The following DZIP3 variants were observed in gnomAD, a reference collection of about 807,000 sequenced individuals.
DZIP3 encodes DAZ interacting zinc finger protein 3, also known as E3 ubiquitin-protein ligase DZIP3.
DZIP3 carries 118 observed loss-of-function variants against 162.0 expected under a neutral mutation model. That is an observed-to-expected ratio of 0.73 (90% confidence interval 0.63 to 0.85). The LOEUF (loss-of-function observed/expected upper bound fraction) is 0.85, where lower values mean the gene tolerates loss of function less well. DZIP3 is among the 40% of genes least tolerant of loss of function. The pLI, the probability that DZIP3 is intolerant of heterozygous loss-of-function variation, is 0.00. For synonymous variants in DZIP3, 438 were observed against 458.6 expected (o/e 0.96, Z 0.57); for missense variants, 1,331 against 1,407.0 (o/e 0.95, Z 0.86).
chr3:108,691,762 G>A (rs915980446), intron 32 of DZIP3, among the ~76,000 whole-genome samples: 4 of 152,108 alleles, frequency 2.6e-5, no homozygotes, highest in Admixed American at 6.6e-5. Context: ...CTCATCACCC[G>A]TCTCAGGTGC....
At position 108,694,309 on chromosome 3, in the gene DZIP3, G is replaced by A. The variant is rs1944800128; in HGVS notation, c.*956G>A. Reference sequence around the variant, plus strand: ...TCTAGACATGTAAAATGCCAAGAATGTCTTAGAATTGCACAATTTAGAATT... The same window carrying A: ...TCTAGACATGTAAAATGCCAAGAATATCTTAGAATTGCACAATTTAGAATT... On this transcript the variant is annotated 3_prime_UTR_variant, in exon 33 of 33. Coordinates refer to ENST00000361582, the MANE Select transcript of DZIP3 (RefSeq NM_014648.4). 2 of 152,290 alleles carry A rather than the reference G, an allele frequency of 1.3e-5. No individual in the cohort carries two copies. The highest frequency in any genetic ancestry group is 4.1e-4 in the South Asian group (2 of 4,820). The allele number at this position is 152,290 out of a possible 1,614,324, so 9.4% of individuals were successfully genotyped here.
At chr3:108,643,519 A>G (rs992235036) in intron 13 of DZIP3, among the ~76,000 whole-genome samples, 3 of 151,332 alleles carry the variant, frequency 2.0e-5, no homozygotes, top group African/African-American at 7.3e-5. Flanking sequence ...TTTCAGGTGG[A>G]TGCTTGATGC....
At chr3:108,614,566 A>G (rs1940897231) in intron 4 of DZIP3, among the ~76,000 whole-genome samples, 1 of 152,046 alleles carries the variant, frequency 6.6e-6, no homozygotes, top group Non-Finnish European at 1.5e-5. Flanking sequence ...CCCTACCTAT[A>G]TTTTCAGTAT....
intron 32 of DZIP3, 146 bp from the exon 33 acceptor site, chr3:108,693,214 A>G (rs183172125): frequency 1.3e-5 from 2 of 151,546 alleles, no homozygotes; most frequent in East Asian, 4.0e-4. Flanking sequence ...ATAAAATATG[A>G]GGTTATTTGC....
At chr3:108,645,923 T>C (rs551326514) in intron 14 of DZIP3, among the ~76,000 whole-genome samples, 1 of 152,206 alleles carries the variant, frequency 6.6e-6, no homozygotes, top group Non-Finnish European at 1.5e-5. Context: ...TTCATGAGAA[T>C]AGAGTATTTG....
chr3:108,592,850 C>A (rs1229926631), intron 1 of DZIP3, among the ~76,000 whole-genome samples: 1 of 151,758 alleles, frequency 6.6e-6, no homozygotes, highest in African/African-American at 2.4e-5. Flanking sequence ...CTTAGACTTT[C>A]TGCCTATATA....
At chr3:108,609,452 G>GGT (rs1940575601) in intron 3 of DZIP3, among the ~76,000 whole-genome samples, 1 of 152,050 alleles carries the variant, frequency 6.6e-6, no homozygotes. Context: ...AAGCAAGGAA[G>GGT]GTGGACACTT....
chr3:108,687,083 TATTTA>T (rs1399819412), intron 28 of DZIP3, among the ~76,000 whole-genome samples: 1 of 152,164 alleles, frequency 6.6e-6, no homozygotes. Context: ...AGTAGAAAGA[TATTTA>T]ATTATATTCC....
intron 21 of DZIP3, among the ~76,000 whole-genome samples, chr3:108,667,755 T>G (rs1943742617): frequency 6.6e-6 from 1 of 152,156 alleles, no homozygotes; most frequent in Admixed American, 6.6e-5. Context: ...AATGAAAAAC[T>G]GTCAAACAAG....
intron 17 of DZIP3, among the ~76,000 whole-genome samples, chr3:108,650,750 G>A (rs1942825411): frequency 6.6e-6 from 1 of 151,360 alleles, no homozygotes; most frequent in African/African-American, 2.4e-5. Context: ...GTGTCTAAAG[G>A]TATATGAATA....
At chr3:108,692,053 CT>C (rs1181709848) in intron 32 of DZIP3, among the ~76,000 whole-genome samples, 2 of 151,978 alleles carry the variant, frequency 1.3e-5, no homozygotes, top group Non-Finnish European at 2.9e-5. Flanking sequence ...TTACTAATGT[CT>C]TTTTTTCAGT....
chr3:108,616,430 A>T, intron 4 of DZIP3, 111 bp from the exon 5 acceptor site: 6 of 671,116 alleles, frequency 8.9e-6, no homozygotes, highest in South Asian at 4.9e-5. Flanking sequence ...AACCGTCTTT[A>T]TCTCTATTTT....
At chr3:108,686,338 G>T in intron 27 of DZIP3, 107 bp from the exon 28 acceptor site, 3 of 1,031,554 alleles carry the variant, frequency 2.9e-6, no homozygotes, top group East Asian at 2.8e-5. Flanking sequence ...TGTAAAAATT[G>T]AATGTGTATG....
chr3:108,612,866 A>G (rs1177815495), intron 4 of DZIP3, among the ~76,000 whole-genome samples: 1 of 152,168 alleles, frequency 6.6e-6, no homozygotes, highest in African/African-American at 2.4e-5. Flanking sequence ...GGCAAACTGT[A>G]CTTATTTATA....
intron 19 of DZIP3, among the ~76,000 whole-genome samples, chr3:108,659,415 G>A (rs889199102): frequency 2.0e-5 from 3 of 152,126 alleles, no homozygotes; most frequent in African/African-American, 7.2e-5. Context: ...ATGCAGAAAA[G>A]GCCTTTGACA....
At chr3:108,599,277 A>G (rs1939867617) in intron 1 of DZIP3, among the ~76,000 whole-genome samples, 2 of 152,176 alleles carry the variant, frequency 1.3e-5, no homozygotes, top group African/African-American at 4.8e-5. Context: ...AGATTTTTCC[A>G]CCATCATCCA....
chr3:108,648,122 C>T lies in DZIP3; in HGVS notation c.1962+10C>T, dbSNP rs772108023. The T allele has an allele frequency of 2.1e-5, 33 of 1,584,598 alleles. No homozygotes were observed. Among genetic ancestry groups the T allele is most frequent in the Non-Finnish European group, 2.4e-5 (28 of 1,170,434 alleles). ...TAAAGATCTCCAGGAAGTATAAGCTCTCATTAATATTTGAGTTAGAAGAAC... is the reference window on the plus strand; with the variant it reads ...TAAAGATCTCCAGGAAGTATAAGCTTTCATTAATATTTGAGTTAGAAGAAC... On this transcript the variant is annotated intron_variant, in intron 16 of 32. Transcript: ENST00000361582.
At chr3:108,666,975 G>GAA (rs1405653075) in intron 21 of DZIP3, among the ~76,000 whole-genome samples, 2 of 151,938 alleles carry the variant, frequency 1.3e-5, no homozygotes, top group Non-Finnish European at 2.9e-5. Flanking sequence ...CCCAGAAAAA[G>GAA]AAAATCAAAA....
intron 5 of DZIP3, among the ~76,000 whole-genome samples, chr3:108,619,302 A>G (rs997205195): frequency 8.8e-5 from 13 of 148,128 alleles, no homozygotes; most frequent in South Asian, 2.1e-4. Flanking sequence ...ATATGTGTGT[A>G]TGTGTGTGTG....
Sources: gnomAD v4.1 joint callset for allele counts (sites outside exome capture counted in the v4.1 genomes callset) on GRCh38, gnomAD v4.1.1 for gene constraint, MANE v1.5 for transcripts, NCBI Gene and HGNC (gene_info 2026-07-23, HGNC 2026-07-21) for gene names.